NOP56: variants seen among roughly 807,000 people sequenced by gnomAD.
NOP56 encodes the protein nucleolar protein 56.
A neutral mutation model predicts 58.3 loss-of-function variants in NOP56; 31 were observed. The observed-to-expected ratio is 0.53, with a 90% CI of 0.40 to 0.72. The LOEUF is 0.72. Among genes scored for constraint, NOP56 ranks in the 30% least tolerant of loss-of-function variants. The pLI, the probability that NOP56 is intolerant of heterozygous loss-of-function variation, is 0.00. For synonymous variants in NOP56, 313 were observed against 282.8 expected (o/e 1.11, Z -1.07); for missense variants, 669 against 739.9 (o/e 0.90, Z 1.11).
chr20:2,657,212 G>T lies in NOP56; in HGVS notation c.1413G>T (p.Glu471Asp), dbSNP rs771134860. Reference protein sequence around the residue: ...SSENSSSTPEECEEMSEKPKK... With the variant: ...SSENSSSTPEDCEEMSEKPKK... ...AAAACAGCAGTAGTACTCCAGAGGA[G>T]TGTGAGGTCAGTAGGCAGCACGGCC... The change falls in exon 11 of 12, where the codon GAG becomes GAT. Residue 471 changes from glutamate to aspartate, a missense_variant. Physicochemically the swap from Glu to Asp is conservative, Grantham distance 45. Transcript: ENST00000329276. 1 of 1,614,186 alleles carries T rather than the reference G, an allele frequency of 6.2e-7. No individual in the cohort carries two copies. The highest frequency in any genetic ancestry group is 8.5e-7 in the Non-Finnish European group (1 of 1,180,034).
rs751754683 is a variant in NOP56, at chr20:2,655,706, G to T, written c.869G>T (p.Ser290Ile). 6.2e-7 allele frequency: 1 copy of T among 1,614,156 alleles called. No homozygotes were observed. The highest frequency in any genetic ancestry group is 8.5e-7 in the Non-Finnish European group (1 of 1,180,020). Reference protein sequence around the residue: ...SLHTYLRSKMSQVAPSLSALI... With the variant: ...SLHTYLRSKMIQVAPSLSALI... ...CACACTTACCTGCGCTCCAAGATGAGCCAAGTAGCCCCCAGCCTGTCAGCC... is the reference window on the plus strand; with the variant it reads ...CACACTTACCTGCGCTCCAAGATGATCCAAGTAGCCCCCAGCCTGTCAGCC... The change falls in exon 7 of 12, where the codon AGC becomes ATC. Residue 290 changes from serine to isoleucine, a missense_variant. Coordinates refer to ENST00000329276, the MANE Select transcript of NOP56 (RefSeq NM_006392.4).
chr20:2,652,673 G>T lies in NOP56; in HGVS notation c.3+10G>T. 1 of 1,455,130 alleles carries T rather than the reference G, an allele frequency of 6.9e-7. No individual in the cohort carries two copies. Among genetic ancestry groups the T allele is most frequent in the Non-Finnish European group, 9.0e-7 (1 of 1,111,866 alleles). The allele number at this position is 1,455,130 out of a possible 1,614,324, so 90.1% of individuals were successfully genotyped here. ...GGGAGCTGGCGCCATGGTGAGGAGT[G>T]GTTGCGGGGCGCGGGCGACGCGACG... On this transcript the variant is annotated intron_variant, in intron 1 of 11. Coordinates refer to ENST00000329276, the MANE Select transcript of NOP56 (RefSeq NM_006392.4).
Position 2,655,928 on chromosome 20 carries a change from C to A in NOP56, c.910-6C>A, listed in dbSNP as rs1476616677. On this transcript the variant is annotated splice_region_variant and splice_polypyrimidine_tract_variant and intron_variant, in intron 7 of 11. Coordinates refer to ENST00000329276, the MANE Select transcript of NOP56 (RefSeq NM_006392.4). The stretch of plus-strand genomic sequence containing the variant: ...TCTCTGACTGCTTCCTTGACTCTCT[C>A]TCCAGGTAGGTGCACGTCTCATCGC... 3.1e-6 allele frequency: 5 copies of A among 1,614,060 alleles called. No individual in the cohort carries two copies. The highest frequency in any genetic ancestry group is 4.2e-6 in the Non-Finnish European group (5 of 1,180,014).
At chr20:2,657,701 T>G in intron 11 of NOP56, 5 of 562,520 alleles carry the variant, frequency 8.9e-6, no homozygotes, top group Middle Eastern at 9.9e-4. Context: ...TGGTGGGTGT[T>G]TTTTAGGTTT....
In NOP56 at chr20:2,657,119, G is replaced by C; in HGVS notation, c.1320G>C (p.Glu440Asp). Residue 440 changes from glutamate (E) to aspartate (D), a missense_variant, in exon 11 of 12, where the codon GAG (glutamate) becomes GAC (aspartate). Coordinates refer to ENST00000329276, the MANE Select transcript of NOP56 (RefSeq NM_006392.4). ...CTGCTGAGATTACTAGGAAGCTGGA[G>C]AAACAGGAGAAGAAACGCTTAAAGA... Reference protein sequence around the residue: ...EAAAEITRKLEKQEKKRLKKE... With the variant: ...EAAAEITRKLDKQEKKRLKKE... 1 of 1,611,406 alleles carries C rather than the reference G, an allele frequency of 6.2e-7. No homozygotes were observed. Among genetic ancestry groups the C allele is most frequent in the Non-Finnish European group, 8.5e-7 (1 of 1,178,742 alleles).
At chr20:2,657,388 T>C (rs763583260) in intron 11 of NOP56, 170 bp downstream of exon 11, 10 of 1,002,796 alleles carry the variant, frequency 1.0e-5, no homozygotes, top group Non-Finnish European at 1.5e-5. Flanking sequence ...AGATAGGTGC[T>C]GAACTTGCTC....
chr20:2,657,301 G>A, intron 11 of NOP56, 83 bp downstream of exon 11: 4 of 1,586,358 alleles, frequency 2.5e-6, no homozygotes, highest in South Asian at 1.1e-5. Context: ...GCATCAAGCT[G>A]TGGTCTTGAG....
chr20:2,656,766 A>C lies in NOP56; in HGVS notation c.1160-8A>C. On this transcript the variant is annotated splice_region_variant and splice_polypyrimidine_tract_variant and intron_variant, in intron 9 of 11. Coordinates refer to ENST00000329276, the MANE Select transcript of NOP56 (RefSeq NM_006392.4). ...GGCTGACAGGCTTTGTCACCCACAC[A>C]CATCCAGAGGTGCCCACGAGTGTAT... is the stretch of plus-strand genomic sequence containing the variant. 1 of 1,614,152 alleles carries C rather than the reference A, an allele frequency of 6.2e-7. No homozygotes were observed. Among genetic ancestry groups the C allele is most frequent in the Non-Finnish European group, 8.5e-7 (1 of 1,180,006 alleles).
chr20:2,654,066 G>C, intron 3 of NOP56: 1 of 472,964 alleles, frequency 2.1e-6, no homozygotes, highest in South Asian at 1.6e-5. Context: ...GGAAAGGGCA[G>C]TTGGGTAAAC....
intron 5 of NOP56, 76 bp downstream of exon 5, chr20:2,655,023 T>G: frequency 6.4e-7 from 1 of 1,551,130 alleles, no homozygotes; most frequent in Non-Finnish European, 8.8e-7. Flanking sequence ...TGATGAGGAC[T>G]GACCATCCTG....
chr20:2,657,894 G>A (rs896625259), intron 11 of NOP56, 35 bp from the exon 12 acceptor site: 1 of 1,541,638 alleles, frequency 6.5e-7, no homozygotes, highest in African/African-American at 1.4e-5. Context: ...AATGAGCACT[G>A]TTCTCACAGC....
chr20:2,657,395 G>GCT (rs2086839635), intron 11 of NOP56, 177 bp downstream of exon 11: 1 of 942,332 alleles, frequency 1.1e-6, no homozygotes, highest in Non-Finnish European at 1.7e-6. Context: ...TGCTGAACTT[G>GCT]CTCAAGAGCC....
Position 2,656,537 on chromosome 20 carries a change from G to C in NOP56, c.1147G>C (p.Asp383His). 6.2e-7 allele frequency: 1 copy of C among 1,607,178 alleles called. No homozygotes were observed. Among genetic ancestry groups the C allele is most frequent in the Non-Finnish European group, 8.5e-7 (1 of 1,176,350 alleles). ...CAAATGCAGTATTGCCTCACGAATC[G>C]ATTGCTTCTCTGGTATGGGTGGGGG... Reference protein sequence around the residue: ...ANKCSIASRIDCFSEVPTSVF... With the variant: ...ANKCSIASRIHCFSEVPTSVF... Residue 383 changes from aspartate (D) to histidine (H), a missense_variant, in exon 9 of 12, where the codon GAT becomes CAT. This residue lies in a region of NOP56 where 339 missense variants were observed against 430.5 expected (regional missense o/e 0.79). Coordinates refer to ENST00000329276, the MANE Select transcript of NOP56 (RefSeq NM_006392.4).
At position 2,655,676 on chromosome 20, in the gene NOP56, G is replaced by A; in HGVS notation, c.839G>A (p.Ser280Asn). Residue 280 changes from serine to asparagine, a missense_variant, in exon 7 of 12, where the codon AGC becomes AAC. By Grantham distance (46) the Ser-to-Asn change is conservative. Around this residue, in one of 3 missense-constraint regions of NOP56, gnomAD observed 339 missense variants for 430.5 expected, o/e 0.79. Coordinates refer to ENST00000329276, the MANE Select transcript of NOP56 (RefSeq NM_006392.4). The stretch of plus-strand genomic sequence containing the variant: ...GTGTCTTTATCTGAATACCGCCAGA[G>A]CCTACACACTTACCTGCGCTCCAAG... The part of the protein sequence containing the change: ...RVVSLSEYRQ[S>N]LHTYLRSKMS... 2 of 1,614,106 alleles carry A rather than the reference G, an allele frequency of 1.2e-6. No individual in the cohort carries two copies. The highest frequency in any genetic ancestry group is 8.5e-7 in the Non-Finnish European group (1 of 1,180,006).
chr20:2,655,192 A>G (rs749571631), intron 5 of NOP56, 133 bp from the exon 6 acceptor site: 12 of 1,236,396 alleles, frequency 9.7e-6, no homozygotes, highest in Non-Finnish European at 1.3e-5. Context: ...TGAATGGGGG[A>G]ACATAGAATT....
intron 11 of NOP56, 185 bp from the exon 12 acceptor site, chr20:2,657,744 A>G: frequency 1.5e-6 from 1 of 653,722 alleles, no homozygotes; most frequent in Non-Finnish European, 2.6e-6. Context: ...ATTTCTCATG[A>G]CATGTTTTCC....
intron 8 of NOP56, 66 bp from the exon 9 acceptor site, chr20:2,656,335 C>G: frequency 6.2e-7 from 1 of 1,608,308 alleles, no homozygotes; most frequent in Non-Finnish European, 8.5e-7. Flanking sequence ...AGGGGAGGAG[C>G]TGAGCTGCCT....
intron 8 of NOP56, 80 bp from the exon 9 acceptor site, chr20:2,656,321 G>A: frequency 6.2e-7 from 1 of 1,605,770 alleles, no homozygotes; most frequent in East Asian, 2.2e-5. Context: ...TTCGGGGTGA[G>A]AGGAGGGGAG....
At chr20:2,654,361 T>TA (rs1316409178) in intron 3 of NOP56, 53 bp from the exon 4 acceptor site, 8 of 1,604,302 alleles carry the variant, frequency 5.0e-6, no homozygotes, top group South Asian at 1.1e-5. Context: ...TGAGGGATGT[T>TA]AGAGTTGATC....
Sources: gnomAD v4.1 joint callset for allele counts on GRCh38, gnomAD v4.1.1 for gene constraint, gnomAD v4.1.1 regional missense constraint, MANE v1.5 for transcripts, NCBI Gene and HGNC (gene_info 2026-07-23, HGNC 2026-07-21) for gene names.